The following TFAP2B variants were observed in gnomAD, a reference collection of about 807,000 sequenced individuals.
TFAP2B encodes the protein transcription factor AP-2 beta, also known as transcription factor AP-2-beta.
TFAP2B carries 9 observed loss-of-function variants against 44.3 expected under a neutral mutation model. That is an observed-to-expected ratio of 0.20 (90% CI 0.12 to 0.35). TFAP2B has a LOEUF of 0.35. Ranked by LOEUF, TFAP2B falls within the 10% of genes least tolerant of loss-of-function variation. TFAP2B has a pLI of 1.00. For missense variants in TFAP2B, 509 were observed against 600.0 expected (o/e 0.85, Z 1.59); for synonymous variants, 270 against 263.8 (o/e 1.02, Z -0.23).
intron 4 of TFAP2B, 29 bp from the exon 5 acceptor site, chr6:50,837,946 A>T: frequency 6.5e-7 from 1 of 1,533,930 alleles, no homozygotes; most frequent in Non-Finnish European, 9.0e-7. Context: ...CTCTAAGGTT[A>T]ATCAGAATGT....
rs565058623 is a variant in TFAP2B, at chr6:50,844,945, C to T, written c.*1553C>T. 3 of 152,292 alleles carry T rather than the reference C, an allele frequency of 2.0e-5. No individual in the cohort carries two copies. In the South Asian group the frequency reaches 6.2e-4, roughly 32 times the overall value. 9.4% of individuals were successfully genotyped at this position (152,292 alleles called of 1,614,324 possible). A position where few individuals can be genotyped will look rare whatever the true frequency, so the allele number is the denominator to read the frequency against. The stretch of plus-strand genomic sequence containing the variant: ...CAAAGTGAAGGGAGATGTATTTCAG[C>T]TTTGATTTTTACCGTCTGGATACAT... On this transcript the variant is annotated 3_prime_UTR_variant, in exon 7 of 7. Transcript: ENST00000393655.
In TFAP2B at chr6:50,836,032, C is replaced by A. The variant is rs553692780; in HGVS notation, c.602-29C>A. ...GTCATCAGGATCGAAACTTGGTCAC[C>A]TTTATGGCAATTTTTTCTCTCTTTC... On this transcript the variant is annotated intron_variant, in intron 3 of 6. Transcript: ENST00000393655. 2.5e-6 allele frequency: 4 copies of A among 1,594,946 alleles called. No individual in the cohort carries two copies. In the African/African-American group the frequency reaches 5.4e-5, roughly 21 times the overall value.
rs1479615286 is a variant in TFAP2B at position 50,844,612 on chromosome 6, C to G, written c.*1220C>G. Reference sequence around the variant, plus strand: ...CTACATGCTAACATTCCTCAACACTCCAATTCCGGTGGAGGTGGCAGGGGA... The same window carrying G: ...CTACATGCTAACATTCCTCAACACTGCAATTCCGGTGGAGGTGGCAGGGGA... On this transcript the variant is annotated 3_prime_UTR_variant, in exon 7 of 7. Coordinates refer to ENST00000393655, the MANE Select transcript of TFAP2B (RefSeq NM_003221.4). The G allele has an allele frequency of 2.6e-5, 4 of 152,670 alleles. No individual in the cohort carries two copies. The highest frequency in any genetic ancestry group is 9.7e-5 in the African/African-American group (4 of 41,440). The allele number at this position is 152,670 out of a possible 1,614,324, so 9.5% of individuals were successfully genotyped here. A position where few individuals can be genotyped will look rare whatever the true frequency, so the allele number is the denominator to read the frequency against.
chr6:50,835,735 A>C (rs1762606495), intron 3 of TFAP2B, among the ~76,000 whole-genome samples: 1 of 152,252 alleles, frequency 6.6e-6, no homozygotes, highest in Admixed American at 6.5e-5. Flanking sequence ...TCACAGAGTT[A>C]GCACACGATG....
rs896937817 is a variant in TFAP2B, at chr6:50,845,970, G to T, written c.*2578G>T. 2.0e-5 allele frequency: 3 copies of T among 152,634 alleles called. No homozygotes were observed. The highest frequency in any genetic ancestry group is 4.4e-5 in the Non-Finnish European group (3 of 68,092). The allele number at this position is 152,634 out of a possible 1,614,324, so 9.5% of individuals were successfully genotyped here. A position where few individuals can be genotyped will look rare whatever the true frequency, so the allele number is the denominator to read the frequency against. On this transcript the variant is annotated 3_prime_UTR_variant, in exon 7 of 7. Transcript: ENST00000393655. ...GGGGAGGGCTCCCAGCGCCGCCAGC[G>T]GCCACCCGGGGCGCCGGCTCCTGGA...
At chr6:50,829,159 AT>A (rs1770606959) in intron 3 of TFAP2B, among the ~76,000 whole-genome samples, 1 of 151,656 alleles carries the variant, frequency 6.6e-6, no homozygotes, top group Non-Finnish European at 1.5e-5. Context: ...TTATTTATTT[AT>A]TTTTTCATTG....
chr6:50,819,654 T>C (rs1770267127), intron 1 of TFAP2B, among the ~76,000 whole-genome samples: 1 of 152,234 alleles, frequency 6.6e-6, no homozygotes, highest in African/African-American at 2.4e-5. Context: ...CGTACGGGTC[T>C]CTAGCACTGA....
intron 1 of TFAP2B, among the ~76,000 whole-genome samples, 185 bp downstream of exon 1, chr6:50,819,157 A>G (rs1240504308): frequency 1.3e-5 from 2 of 152,022 alleles, no homozygotes; most frequent in Non-Finnish European, 2.9e-5. Context: ...AGGGACTTTA[A>G]GGCTGAAATC....
At chr6:50,826,093 T>C (rs1770496194) in intron 2 of TFAP2B, among the ~76,000 whole-genome samples, 1 of 152,152 alleles carries the variant, frequency 6.6e-6, no homozygotes, top group South Asian at 2.1e-4. Flanking sequence ...GTTAGGAAGC[T>C]GGGGTGCGGG....
intron 1 of TFAP2B, 28 bp from the exon 2 acceptor site, chr6:50,823,379 C>G: frequency 6.5e-7 from 1 of 1,550,064 alleles, no homozygotes; most frequent in Non-Finnish European, 8.7e-7. Flanking sequence ...TTCTCTGGCT[C>G]TCTTCCCCTT....
rs757278342 is a variant in TFAP2B at position 50,823,508 on chromosome 6, G to A, written c.183G>A (p.Pro61=). 5 of 1,612,256 alleles carry A rather than the reference G, an allele frequency of 3.1e-6. No homozygotes were observed. Among genetic ancestry groups the A allele is most frequent in the Non-Finnish European group, 4.2e-6 (5 of 1,179,520 alleles). Reference sequence around the variant, plus strand: ...GCGCCCCGCCGCTGTCCCACACCCCGTCGTCGGACTTCCAGCCGCCCTACT... The same window carrying A: ...GCGCCCCGCCGCTGTCCCACACCCCATCGTCGGACTTCCAGCCGCCCTACT... ...YSSAPPLSHT[P]SSDFQPPYFP... Residue 61 remains proline (P), a synonymous_variant, in exon 2 of 7, where the codon CCG becomes CCA. Coordinates refer to ENST00000393655, the MANE Select transcript of TFAP2B (RefSeq NM_003221.4).
At chr6:50,839,972 T>A (rs924335050) in intron 5 of TFAP2B, among the ~76,000 whole-genome samples, 184 bp from the exon 6 acceptor site, 1 of 152,174 alleles carries the variant, frequency 6.6e-6, no homozygotes, top group African/African-American at 2.4e-5. Flanking sequence ...GGAGCAAAGT[T>A]GGTCCCACCA....
In TFAP2B at chr6:50,823,403, C is replaced by G; in HGVS notation, c.82-4C>G. 6.3e-7 allele frequency: 1 copy of G among 1,583,284 alleles called. No homozygotes were observed. On this transcript the variant is annotated splice_polypyrimidine_tract_variant and splice_region_variant and intron_variant, in intron 1 of 6. Transcript: ENST00000393655. ...TCTCTTCCCCTTCCTCTCTCCGCTC[C>G]CAGGACCGGCACGATGGTGTCCCGA...
intron 3 of TFAP2B, among the ~76,000 whole-genome samples, chr6:50,831,248 A>G (rs540489718): frequency 6.6e-6 from 1 of 152,348 alleles, no homozygotes; most frequent in Admixed American, 6.5e-5. Context: ...AGTTGTTCCC[A>G]GTAGAGAGAG....
rs1157000881 is a variant in TFAP2B at position 50,843,198 on chromosome 6, C to G, written c.1189C>G (p.His397Asp). 1.9e-6 allele frequency: 3 copies of G among 1,614,128 alleles called. No homozygotes were observed. The highest frequency in any genetic ancestry group is 2.5e-6 in the Non-Finnish European group (3 of 1,180,050). The change falls in exon 7 of 7, where the codon CAC (histidine) becomes GAC (aspartate). Residue 397 changes from histidine to aspartate, a missense_variant. By Grantham distance (81) the His-to-Asp change is moderately conservative. This residue lies in a region of TFAP2B where 168 missense variants were observed against 183.2 expected (regional missense o/e 0.92). Transcript: ENST00000393655. ...LEPGIQSCLT[H>D]FSLITHGFGA... Reference sequence around the variant, plus strand: ...GCCGGGGATCCAGAGCTGCCTCACGCACTTCAGCCTCATCACGCACGGCTT... The same window carrying G: ...GCCGGGGATCCAGAGCTGCCTCACGGACTTCAGCCTCATCACGCACGGCTT...
In TFAP2B at chr6:50,836,049, C is replaced by G. The variant is rs1311071991; in HGVS notation, c.602-12C>G. ...TTGGTCACCTTTATGGCAATTTTTT[C>G]TCTCTTTCTAGTTCCAGTTCCTCCC... On this transcript the variant is annotated splice_polypyrimidine_tract_variant and intron_variant, in intron 3 of 6. Coordinates refer to ENST00000393655, the MANE Select transcript of TFAP2B (RefSeq NM_003221.4). The G allele has an allele frequency of 6.2e-7, 1 of 1,611,868 alleles. No homozygotes were observed. The highest frequency in any genetic ancestry group is 1.7e-5 in the Admixed American group (1 of 60,004).
chr6:50,836,397 C>A, intron 4 of TFAP2B, 117 bp downstream of exon 4: 3 of 950,172 alleles, frequency 3.2e-6, no homozygotes, highest in Non-Finnish European at 4.9e-6. Flanking sequence ...CAGTCTGACG[C>A]AGTTGCCTAG....
chr6:50,826,684 G>C (rs897632719), intron 2 of TFAP2B, among the ~76,000 whole-genome samples: 1 of 151,914 alleles, frequency 6.6e-6, no homozygotes, highest in Non-Finnish European at 1.5e-5. Flanking sequence ...AGGACACCTA[G>C]TTTGGGATTT....
chr6:50,835,222 C>T (rs1385567400), intron 3 of TFAP2B, among the ~76,000 whole-genome samples: 1 of 152,222 alleles, frequency 6.6e-6, no homozygotes, highest in African/African-American at 2.4e-5. Context: ...TGGGGCAAGG[C>T]AAGACCGCCG....
Sources: allele counts gnomAD v4.1 joint callset (sites outside exome capture counted in the v4.1 genomes callset), GRCh38; gene constraint gnomAD v4.1.1; regional missense constraint gnomAD v4.1.1; transcripts MANE v1.5; gene names NCBI Gene and HGNC (gene_info 2026-07-23, HGNC 2026-07-21).